The following INTS6L variants were observed in gnomAD, a reference collection of about 807,000 sequenced individuals.
INTS6L encodes the protein integrator complex subunit 6 like.
A neutral mutation model predicts 64.7 loss-of-function variants in INTS6L; 18 were observed. The ratio of observed to expected loss-of-function variants is 0.28; its 90% CI spans 0.19 to 0.41. The LOEUF (loss-of-function observed/expected upper bound fraction) is 0.41, where lower values mean the gene tolerates loss of function less well. Ranked by LOEUF, INTS6L falls within the 10% of genes least tolerant of loss-of-function variation. The probability of loss-of-function intolerance (pLI) is 1.00; values close to 1 mark genes in which losing one functional copy is unlikely to be tolerated. For synonymous variants in INTS6L, 227 were observed against 235.9 expected (o/e 0.96, Z 0.34); for missense variants, 533 against 661.0 (o/e 0.81, Z 2.12).
chrX:135,556,147 A>G (rs781832000), intron 8 of INTS6L, 21 bp from the exon 9 acceptor site: 18 of 1,162,014 alleles, frequency 1.5e-5, no homozygotes, highest in Middle Eastern at 2.4e-4. Flanking sequence ...ATCACTGTGC[A>G]TTACTTCATG....
chrX:135,524,347 T>G (rs781811697), intron 2 of INTS6L, among the ~76,000 whole-genome samples: 9 of 111,731 alleles, frequency 8.1e-5, no homozygotes, highest in Non-Finnish European at 1.3e-4. Flanking sequence ...GCACCTTAGT[T>G]CCTACTTAAA....
Position 135,555,720 on chromosome X carries a change from G to A in INTS6L, c.1060-448G>A, listed in dbSNP as rs536589503. Among the ~76,000 whole-genome samples the A allele has an allele frequency of 3.5e-4, 39 of 111,361 alleles. No homozygotes were observed. In the South Asian group the frequency reaches 0.014, roughly 41 times the overall value. The stretch of plus-strand genomic sequence containing the variant: ...AGGATTTTTTTTGAGACAGGGTCTC[G>A]CTCTGTCACCCAGGGTGGAGCGCAG... On this transcript the variant is annotated intron_variant, in intron 8 of 17. Coordinates refer to ENST00000639893, the MANE Select transcript of INTS6L (RefSeq NM_001351601.3).
intron 9 of INTS6L, among the ~76,000 whole-genome samples, chrX:135,557,568 TACTG>T (rs1296793472): frequency 1.3e-4 from 14 of 111,914 alleles, no homozygotes; most frequent in Admixed American, 4.7e-4. Flanking sequence ...TCTACCCTCT[TACTG>T]ACCTTTTAAG....
At chrX:135,533,953 G>A (rs2148582060) in intron 2 of INTS6L, among the ~76,000 whole-genome samples, 1 of 111,322 alleles carries the variant, frequency 9.0e-6, no homozygotes, top group African/African-American at 3.3e-5. Context: ...ACCAAGTTTA[G>A]TAAGTTCTAA....
intron 1 of INTS6L, 32 bp from the exon 2 acceptor site, chrX:135,521,209 C>G (rs782674752): frequency 8.3e-7 from 1 of 1,200,060 alleles, no homozygotes; most frequent in Admixed American, 2.2e-5. Context: ...TCCTTTCCTA[C>G]GCGACCCCCT....
intron 10 of INTS6L, 136 bp from the exon 11 acceptor site, chrX:135,570,300 A>G (rs1205246332): frequency 4.1e-6 from 2 of 485,405 alleles, no homozygotes; most frequent in African/African-American, 4.9e-5. Context: ...CCACTTTTTA[A>G]TGTTCCATGT....
intron 9 of INTS6L, among the ~76,000 whole-genome samples, chrX:135,558,465 G>A (rs2148642886): frequency 8.9e-6 from 1 of 112,017 alleles, no homozygotes; most frequent in Non-Finnish European, 1.9e-5. Context: ...CCTTAAGAAG[G>A]AAATTTTGTG....
chrX:135,581,441 A>C, intron 17 of INTS6L, 87 bp from the exon 18 acceptor site: 1 of 683,181 alleles, frequency 1.5e-6, no homozygotes, highest in Admixed American at 3.0e-5. Flanking sequence ...GTAGATTGTA[A>C]GCTTCGATTT....
intron 2 of INTS6L, among the ~76,000 whole-genome samples, chrX:135,532,248 C>T (rs781964211): frequency 1.8e-5 from 2 of 111,934 alleles, no homozygotes; most frequent in African/African-American, 3.3e-5. Flanking sequence ...ATAGCCATGG[C>T]ATTGGAAAGT....
At chrX:135,572,716 T>C in intron 11 of INTS6L, 99 bp from the exon 12 acceptor site, 2 of 705,775 alleles carry the variant, frequency 2.8e-6, no homozygotes, top group Non-Finnish European at 4.1e-6. Context: ...TAATTGAAAA[T>C]TGTTCTGTGG....
At chrX:135,525,688 A>T (rs1338637345) in intron 2 of INTS6L, among the ~76,000 whole-genome samples, 1 of 112,485 alleles carries the variant, frequency 8.9e-6, no homozygotes, top group Non-Finnish European at 1.9e-5. Flanking sequence ...TAACTTTTTC[A>T]TATGCCCATG....
chrX:135,546,511 G>T, intron 4 of INTS6L, 42 bp downstream of exon 4: 1 of 1,047,419 alleles, frequency 9.5e-7, no homozygotes, highest in Non-Finnish European at 1.3e-6. Context: ...AAATGGCAGG[G>T]AACATGCAGC....
chrX:135,581,320 T>A (rs1019055381), intron 17 of INTS6L, among the ~76,000 whole-genome samples, 177 bp downstream of exon 17: 3 of 112,149 alleles, frequency 2.7e-5, no homozygotes, highest in Non-Finnish European at 5.6e-5. Flanking sequence ...ACTCAACTCA[T>A]TCATCCTTCT....
chrX:135,570,167 G>A (rs1239121912), intron 10 of INTS6L: 3 of 220,342 alleles, frequency 1.4e-5, no homozygotes, highest in Non-Finnish European at 2.4e-5. Flanking sequence ...ATGATTTGAT[G>A]ATTTGGGAAA....
intron 2 of INTS6L, among the ~76,000 whole-genome samples, chrX:135,530,902 A>C (rs140259486): frequency 0.025 from 2,756 of 111,671 alleles, 80 homozygotes; most frequent in African/African-American, 0.085. Flanking sequence ...AAAAAGTAGA[A>C]TTCTATATCT....
chrX:135,549,517 A>T, intron 6 of INTS6L, 125 bp from the exon 7 acceptor site: 1 of 805,157 alleles, frequency 1.2e-6, no homozygotes, highest in Non-Finnish European at 1.8e-6. Flanking sequence ...TTCTTCTTCC[A>T]TTTTTCATGA....
chrX:135,547,535 T>C (rs1230300553), intron 6 of INTS6L, among the ~76,000 whole-genome samples: 1 of 112,279 alleles, frequency 8.9e-6, no homozygotes, highest in African/African-American at 3.2e-5. Flanking sequence ...TGGATGGCAC[T>C]GACTCATTCA....
chrX:135,562,270 G>A (rs1203334646), intron 9 of INTS6L, among the ~76,000 whole-genome samples: 3 of 111,485 alleles, frequency 2.7e-5, no homozygotes, highest in Non-Finnish European at 5.7e-5. Context: ...AGATTATTTA[G>A]AAGTGTATTG....
chrX:135,538,211 G>T (rs1186278277), intron 2 of INTS6L, among the ~76,000 whole-genome samples: 2 of 112,299 alleles, frequency 1.8e-5, no homozygotes, highest in Non-Finnish European at 3.8e-5. Context: ...TTTTATTGGA[G>T]TCCATCCTCA....
Sources: allele counts gnomAD v4.1 joint callset (sites outside exome capture counted in the v4.1 genomes callset), GRCh38; gene constraint gnomAD v4.1.1; transcripts MANE v1.5; gene names NCBI Gene and HGNC (gene_info 2026-07-23, HGNC 2026-07-21).